The following ZSCAN26 variants were observed in gnomAD, a reference collection of about 807,000 sequenced individuals.
ZSCAN26 encodes the protein zinc finger and SCAN domain containing 26.
ZSCAN26 carries 26 observed loss-of-function variants against 23.0 expected under a neutral mutation model. The ratio of observed to expected loss-of-function variants is 1.13; its 90% confidence interval spans 0.83 to 1.57. The LOEUF is 1.57. Ranked by LOEUF, ZSCAN26 falls within the 40% of genes most tolerant of loss-of-function variation. The probability of loss-of-function intolerance (pLI) is 0.00; values close to 1 mark genes in which losing one functional copy is unlikely to be tolerated. For missense variants in ZSCAN26, 528 were observed against 568.5 expected, an observed-to-expected ratio of 0.93 and a Z score of 0.72; for synonymous variants, 180 against 202.5, an observed-to-expected ratio of 0.89 and a Z score of 0.94.
In ZSCAN26 at chr6:28,272,118, GAA is replaced by G; in HGVS notation, c.200_201del (p.Glu67GlyfsTer38). ...TTATGAAGAGACCACAGGACCTCGAGAAGCACTAAGTCGGCTCCGGGAGCTCT... is the reference window on the plus strand; with the variant it reads ...TTATGAAGAGACCACAGGACCTCGAGGCACTAAGTCGGCTCCGGGAGCTCT... The part of the protein sequence containing the change: ...LRYEETTGPR[E>X]ALSRLRELCQ... On this transcript the variant is annotated frameshift_variant, in exon 2 of 4. Transcript: ENST00000421553. LOFTEE classifies it high-confidence loss of function. 1 of 1,603,008 alleles carries G rather than the reference GAA, an allele frequency of 6.2e-7. No homozygotes were observed. Among genetic ancestry groups the G allele is most frequent in the Non-Finnish European group, 8.5e-7 (1 of 1,174,428 alleles).
chr6:28,272,044 G>C lies in ZSCAN26; in HGVS notation c.125G>C (p.Ser42Thr). The change falls in exon 2 of 4, where the codon AGT becomes ACT. Residue 42 changes from serine to threonine, a missense_variant. By Grantham distance (58) the Ser-to-Thr change is moderately conservative (BLOSUM62 1). Transcript: ENST00000421553. ...WEQGFKLQGN[S>T]KGLGQEPLCK... ...CAGGGATTCAAGCTGCAAGGAAACAGTAAAGGCCTTGGACAGGAGCCATTG... is the reference window on the plus strand; with the variant it reads ...CAGGGATTCAAGCTGCAAGGAAACACTAAAGGCCTTGGACAGGAGCCATTG... The C allele has an allele frequency of 6.4e-7, 1 of 1,552,978 alleles. No individual in the cohort carries two copies. Among genetic ancestry groups the C allele is most frequent in the Non-Finnish European group, 8.7e-7 (1 of 1,147,614 alleles).
chr6:28,276,632 C>A lies in ZSCAN26; in HGVS notation c.976C>A (p.Leu326Ile). Residue 326 changes from leucine (L) to isoleucine (I), a missense_variant, in exon 4 of 4, where the codon CTT (leucine) becomes ATT (isoleucine). Coordinates refer to ENST00000421553, the MANE Select transcript of ZSCAN26 (RefSeq NM_001023560.4). ...CGKVFSQNAG[L>I]LEHLRIHTGE... is the part of the protein sequence containing the mutation. ...CAAAGTCTTTAGCCAGAATGCAGGC[C>A]TTTTGGAACATCTCAGAATTCATAC... The A allele has an allele frequency of 6.2e-7, 1 of 1,611,974 alleles. No homozygotes were observed. Among genetic ancestry groups the A allele is most frequent in the Non-Finnish European group, 8.5e-7 (1 of 1,178,988 alleles).
At chr6:28,271,658 A>AT (rs1390291599) in intron 1 of ZSCAN26, among the ~76,000 whole-genome samples, 196 bp from the exon 2 acceptor site, 38 of 152,150 alleles carry the variant, frequency 2.5e-4, no homozygotes, top group African/African-American at 8.5e-4. Flanking sequence ...CAAAATGGTG[A>AT]TTTTTCAAAT....
Position 28,277,136 on chromosome 6 carries a change from T to C in ZSCAN26, c.*40T>C, listed in dbSNP as rs779368832. 1.6e-5 allele frequency: 25 copies of C among 1,573,512 alleles called. No individual in the cohort carries two copies. The highest frequency in any genetic ancestry group is 5.9e-5 in the South Asian group (5 of 85,118). ...CTTGTAGAACATCAGAGAAGGCACA[T>C]TGACTAGCAAACAGCACTTTAGGAA... On this transcript the variant is annotated 3_prime_UTR_variant, in exon 4 of 4. Coordinates refer to ENST00000421553, the MANE Select transcript of ZSCAN26 (RefSeq NM_001023560.4).
chr6:28,274,108 ACT>A (rs1200305438), intron 3 of ZSCAN26, among the ~76,000 whole-genome samples: 1 of 151,768 alleles, frequency 6.6e-6, no homozygotes, highest in Non-Finnish European at 1.5e-5. Flanking sequence ...CTGTCATAGA[ACT>A]AATTACATTA....
chr6:28,269,399 G>A (rs1327414738), intron 1 of ZSCAN26, among the ~76,000 whole-genome samples: 3 of 152,014 alleles, frequency 2.0e-5, no homozygotes, highest in South Asian at 2.1e-4. Context: ...TATCTATATC[G>A]GTAAAGATAG....
At chr6:28,271,211 A>C (rs1435948186) in intron 1 of ZSCAN26, among the ~76,000 whole-genome samples, 1 of 151,934 alleles carries the variant, frequency 6.6e-6, no homozygotes, top group Non-Finnish European at 1.5e-5. Context: ...TGTTTCTTAC[A>C]TGTAGATGTT....
chr6:28,270,716 T>C (rs1363632742), intron 1 of ZSCAN26, among the ~76,000 whole-genome samples: 2 of 152,224 alleles, frequency 1.3e-5, no homozygotes, highest in African/African-American at 2.4e-5. Flanking sequence ...TGTATTACTT[T>C]TTTGAAATTT....
rs775277786 is a variant in ZSCAN26 at position 28,276,722 on chromosome 6, C to T, written c.1066C>T (p.Arg356Ter). 11 of 1,613,278 alleles carry T rather than the reference C, an allele frequency of 6.8e-6. No homozygotes were observed. Among genetic ancestry groups the T allele is most frequent in the South Asian group, 1.1e-5 (1 of 90,938 alleles). ...TTTTAGGCGCAGCTCTCACCTTAATCGACATCAGAGAATTCACAGTCAGGA... is the reference window on the plus strand; with the variant it reads ...TTTTAGGCGCAGCTCTCACCTTAATTGACATCAGAGAATTCACAGTCAGGA... Reference protein sequence around the residue: ...KNFRRSSHLNRHQRIHSQEEP... With the variant: ...KNFRRSSHLN The change falls in exon 4 of 4, where the codon CGA becomes TGA. Residue 356 changes from arginine (R) to a stop codon, truncating the protein, a stop_gained. Coordinates refer to ENST00000421553, the MANE Select transcript of ZSCAN26 (RefSeq NM_001023560.4). LOFTEE classifies it low-confidence loss of function (END_TRUNC).
Position 28,276,728 on chromosome 6 carries a change from C to T in ZSCAN26, c.1072C>T (p.Gln358Ter), listed in dbSNP as rs763210427. Reference sequence around the variant, plus strand: ...GCGCAGCTCTCACCTTAATCGACATCAGAGAATTCACAGTCAGGAGGAGCC... The same window carrying T: ...GCGCAGCTCTCACCTTAATCGACATTAGAGAATTCACAGTCAGGAGGAGCC... ...FRRSSHLNRHQRIHSQEEPCE... is the reference protein window; with the variant it reads ...FRRSSHLNRH Residue 358 changes from glutamine to a stop codon, truncating the protein, a stop_gained, in exon 4 of 4, where the codon CAG (glutamine) becomes TAG (stop). Coordinates refer to ENST00000421553, the MANE Select transcript of ZSCAN26 (RefSeq NM_001023560.4). LOFTEE classifies it low-confidence loss of function (END_TRUNC). 1.2e-6 allele frequency: 2 copies of T among 1,613,530 alleles called. No individual in the cohort carries two copies. Among genetic ancestry groups the T allele is most frequent in the Non-Finnish European group, 1.7e-6 (2 of 1,179,742 alleles).
intron 3 of ZSCAN26, among the ~76,000 whole-genome samples, chr6:28,273,352 G>C (rs1761793473): frequency 6.6e-6 from 1 of 152,106 alleles, no homozygotes; most frequent in Non-Finnish European, 1.5e-5. Context: ...GACCAGCCTG[G>C]CCAAGATGGT....
chr6:28,272,011 C>T lies in ZSCAN26; in HGVS notation c.92C>T (p.Thr31Ile), dbSNP rs1581610332. ...LRVVREDHYS[T>I]WEQGFKLQGN... ...GTAGTGAGGGAGGATCACTACTCTA[C>T]TTGGGAACAGGGATTCAAGCTGCAA... Residue 31 changes from threonine to isoleucine, a missense_variant, in exon 2 of 4, where the codon ACT becomes ATT. Coordinates refer to ENST00000421553, the MANE Select transcript of ZSCAN26 (RefSeq NM_001023560.4). The T allele has an allele frequency of 1.9e-6, 3 of 1,551,628 alleles. No homozygotes were observed. Among genetic ancestry groups the T allele is most frequent in the Admixed American group, 3.9e-5 (2 of 50,984 alleles).
chr6:28,274,253 C>T (rs1404444852), intron 3 of ZSCAN26, among the ~76,000 whole-genome samples: 1 of 152,164 alleles, frequency 6.6e-6, no homozygotes, highest in Non-Finnish European at 1.5e-5. Context: ...TGATGAATGA[C>T]TGGTTTTATA....
In ZSCAN26 at chr6:28,270,904, A is replaced by C. The variant is rs760755255; in HGVS notation, c.-66-950A>C. On this transcript the variant is annotated intron_variant, in intron 1 of 3. Transcript: ENST00000421553. ...TTTCACACTCTTGAACACTGTGCTC[A>C]TATCATTTCCCTTATAAATCAGTGA... is the stretch of plus-strand genomic sequence containing the variant. Among the ~76,000 whole-genome samples the C allele has an allele frequency of 2.0e-5, 3 of 152,274 alleles. No homozygotes were observed. The East Asian group carries it at 5.8e-4, about 29-fold the overall frequency.
chr6:28,274,625 A>T (rs1761863044), intron 3 of ZSCAN26, among the ~76,000 whole-genome samples: 1 of 152,198 alleles, frequency 6.6e-6, no homozygotes, highest in Non-Finnish European at 1.5e-5. Flanking sequence ...CTGTAGTTCT[A>T]GCCACTTGGG....
Position 28,276,108 on chromosome 6 carries a change from A to G in ZSCAN26, c.539-87A>G, listed in dbSNP as rs1761916902. ...GTTTTTACTTTGCACACATGGCTTCATTATATTTTTTTTTCCTTTTAGTTG... is the reference window on the plus strand; with the variant it reads ...GTTTTTACTTTGCACACATGGCTTCGTTATATTTTTTTTTCCTTTTAGTTG... On this transcript the variant is annotated intron_variant, in intron 3 of 3. Transcript: ENST00000421553. The G allele has an allele frequency of 8.0e-6, 10 of 1,243,492 alleles. No homozygotes were observed. The South Asian group carries it at 1.6e-4, about 19-fold the overall frequency. 77.0% of individuals were successfully genotyped at this position (1,243,492 alleles called of 1,614,324 possible). A position where few individuals can be genotyped will look rare whatever the true frequency, so the allele number is the denominator to read the frequency against.
At position 28,272,089 on chromosome 6, in the gene ZSCAN26, T is replaced by C; in HGVS notation, c.170T>C (p.Leu57Ser). ...CCATTGTGCAAACAATTCAGGCAGT[T>C]GCGTTATGAAGAGACCACAGGACCT... ...QEPLCKQFRQ[L>S]RYEETTGPRE... The change falls in exon 2 of 4, where the codon TTG becomes TCG. Residue 57 changes from leucine (L) to serine (S), a missense_variant. Physicochemically the swap from Leu to Ser is moderately radical, Grantham distance 145. Coordinates refer to ENST00000421553, the MANE Select transcript of ZSCAN26 (RefSeq NM_001023560.4). 6.3e-7 allele frequency: 1 copy of C among 1,577,918 alleles called. No individual in the cohort carries two copies. The highest frequency in any genetic ancestry group is 8.6e-7 in the Non-Finnish European group (1 of 1,161,428).
intron 3 of ZSCAN26, among the ~76,000 whole-genome samples, chr6:28,274,800 G>A (rs1761868459): frequency 6.6e-6 from 1 of 152,148 alleles, no homozygotes; most frequent in Admixed American, 6.5e-5. Flanking sequence ...CTCTGGATCT[G>A]TTAAAAATGT....
chr6:28,276,548 C>T lies in ZSCAN26; in HGVS notation c.892C>T (p.Leu298Phe). The T allele has an allele frequency of 3.1e-6, 5 of 1,613,520 alleles. No homozygotes were observed. The highest frequency in any genetic ancestry group is 4.2e-6 in the Non-Finnish European group (5 of 1,179,702). Reference protein sequence around the residue: ...CGKAFQRSSHLVRHQKIHLGE... With the variant: ...CGKAFQRSSHFVRHQKIHLGE... ...GAAAGCCTTTCAGAGGAGTTCACAC[C>T]TCGTCAGACATCAGAAAATCCATCT... is the stretch of plus-strand genomic sequence containing the variant. Residue 298 changes from leucine to phenylalanine, a missense_variant, in exon 4 of 4, where the codon CTC becomes TTC. Coordinates refer to ENST00000421553, the MANE Select transcript of ZSCAN26 (RefSeq NM_001023560.4).
Sources: allele counts gnomAD v4.1 joint callset (sites outside exome capture counted in the v4.1 genomes callset), GRCh38; gene constraint gnomAD v4.1.1; transcripts MANE v1.5; gene names NCBI Gene and HGNC (gene_info 2026-07-23, HGNC 2026-07-21).